Variants in ABCC2 observed in about 807,000 individuals in gnomAD.
ABCC2 encodes ATP binding cassette subfamily C member 2.
ABCC2 carries 157 observed loss-of-function variants against 173.4 expected under a neutral mutation model. The ratio of observed to expected loss-of-function variants is 0.91; its 90% CI spans 0.80 to 1.03. The LOEUF (loss-of-function observed/expected upper bound fraction) is 1.03. Ranked by LOEUF, ABCC2 falls within the 50% of genes least tolerant of loss-of-function variation. The pLI is 0.00. For missense variants in ABCC2, 1,822 were observed against 1,852.3 expected (o/e 0.98, Z 0.30); for synonymous variants, 657 against 693.5 (o/e 0.95, Z 0.83).
intron 25 of ABCC2, among the ~76,000 whole-genome samples, chr10:99,841,266 T>C (rs2038939460): frequency 6.6e-6 from 1 of 152,064 alleles, no homozygotes; most frequent in African/African-American, 2.4e-5. Context: ...AAAATGCAGA[T>C]TTTTGGCCAG....
chr10:99,792,559 T>G (rs1196460351), intron 3 of ABCC2, among the ~76,000 whole-genome samples, 200 bp downstream of exon 3: 1 of 152,228 alleles, frequency 6.6e-6, no homozygotes, highest in East Asian at 1.9e-4. Flanking sequence ...GTATAGAGGC[T>G]TCTTCCTAGG....
intron 1 of ABCC2, among the ~76,000 whole-genome samples, 153 bp from the exon 2 acceptor site, chr10:99,784,455 G>T (rs2037670676): frequency 6.6e-6 from 1 of 152,182 alleles, no homozygotes; most frequent in African/African-American, 2.4e-5. Flanking sequence ...GTATCCATGT[G>T]CACAAATAGG....
At chr10:99,792,126 T>A in intron 2 of ABCC2, 108 bp from the exon 3 acceptor site, 1 of 1,363,178 alleles carries the variant, frequency 7.3e-7, no homozygotes, top group Admixed American at 1.7e-5. Context: ...TATTGTGTTA[T>A]CTGAATCACT....
chr10:99,806,058 A>G (rs913905358), intron 11 of ABCC2, among the ~76,000 whole-genome samples: 2 of 124,530 alleles, frequency 1.6e-5, no homozygotes, highest in Non-Finnish European at 3.2e-5. Context: ...TTAATCTACT[A>G]CAGTCTCTCT....
At chr10:99,805,474 C>T in intron 11 of ABCC2, 27 bp downstream of exon 11, 2 of 1,609,866 alleles carry the variant, frequency 1.2e-6, no homozygotes, top group Non-Finnish European at 1.7e-6. Flanking sequence ...AGGTGGCTCT[C>T]TGTGGGTAAG....
chr10:99,827,434 C>T (rs1332671342), intron 19 of ABCC2, among the ~76,000 whole-genome samples: 1 of 152,200 alleles, frequency 6.6e-6, no homozygotes, highest in African/African-American at 2.4e-5. Context: ...TGTAAACTTT[C>T]CATTTCTTTC....
chr10:99,797,093 C>T lies in ABCC2; in HGVS notation c.633-4C>T. 1 of 1,613,808 alleles carries T rather than the reference C, an allele frequency of 6.2e-7. No individual in the cohort carries two copies. Among genetic ancestry groups the T allele is most frequent in the Non-Finnish European group, 8.5e-7 (1 of 1,179,822 alleles). ...TCTCAGCCTGTGGTTCGCTCTTGTT[C>T]CAGCATCATTCTGAAAGGCTACAAG... On this transcript the variant is annotated splice_region_variant and splice_polypyrimidine_tract_variant and intron_variant, in intron 6 of 31. Transcript: ENST00000647814.
chr10:99,789,668 C>T (rs536594323), intron 2 of ABCC2, among the ~76,000 whole-genome samples: 112 of 147,122 alleles, frequency 7.6e-4, no homozygotes, highest in Non-Finnish European at 1.4e-3. Context: ...TGAGATAGCA[C>T]CACTACACTC....
At chr10:99,841,609 G>A (rs1383470113) in intron 25 of ABCC2, among the ~76,000 whole-genome samples, 1 of 152,048 alleles carries the variant, frequency 6.6e-6, no homozygotes, top group East Asian at 1.9e-4. Context: ...TAGGCCCCCT[G>A]AAATCAGAAT....
chr10:99,816,157 AG>A (rs1453441818), intron 16 of ABCC2, among the ~76,000 whole-genome samples: 2 of 151,536 alleles, frequency 1.3e-5, no homozygotes, highest in Non-Finnish European at 2.9e-5. Context: ...TAGTAGAGAC[AG>A]GGTTTCACCA....
At chr10:99,829,587 A>G (rs2038704717) in intron 19 of ABCC2, among the ~76,000 whole-genome samples, 1 of 152,168 alleles carries the variant, frequency 6.6e-6, no homozygotes, top group Admixed American at 6.5e-5. Flanking sequence ...CTTTTAAGTG[A>G]TTTAAATTAA....
At chr10:99,799,403 G>A (rs1217658040) in intron 8 of ABCC2, 33 bp downstream of exon 8, 3 of 1,612,560 alleles carry the variant, frequency 1.9e-6, no homozygotes, top group Non-Finnish European at 2.5e-6. Flanking sequence ...GTCCTTTCAG[G>A]GCCTCCTCTG....
rs756590450 is a variant in ABCC2 at position 99,819,259 on chromosome 10, G to A, written c.2610G>A (p.Glu870=). The change falls in exon 19 of 32, where the codon GAG becomes GAA. Residue 870 remains glutamate, a synonymous_variant. Coordinates refer to ENST00000647814, the MANE Select transcript of ABCC2 (RefSeq NM_000392.5). ...TTCTAAGACATACAGGCCCTGAAGA[G>A]GAAGCCACAGGTATGTAAGAAGGAT... is the stretch of plus-strand genomic sequence containing the variant. ...KTFLRHTGPE[E]EATVHDGSEE... is the part of the protein sequence containing the mutation. The A allele has an allele frequency of 1.2e-6, 2 of 1,613,568 alleles. No homozygotes were observed. Among genetic ancestry groups the A allele is most frequent in the Admixed American group, 3.3e-5 (2 of 60,020 alleles).
At chr10:99,844,140 T>G (rs1354796671) in intron 27 of ABCC2, among the ~76,000 whole-genome samples, 182 bp from the exon 28 acceptor site, 2 of 152,214 alleles carry the variant, frequency 1.3e-5, no homozygotes, top group Non-Finnish European at 2.9e-5. Flanking sequence ...GTATTTTTCT[T>G]TAACTGAATA....
intron 19 of ABCC2, among the ~76,000 whole-genome samples, chr10:99,819,784 G>A (rs2133082867): frequency 6.6e-6 from 1 of 152,152 alleles, no homozygotes; most frequent in Admixed American, 6.5e-5. Flanking sequence ...AAAAAATTAT[G>A]GCAGTTGCGT....
Position 99,822,862 on chromosome 10 carries a change from T to C in ABCC2, c.2620+3593T>C, listed in dbSNP as rs1296961593. ...AATTATAAGGCATTCCTGTTGTATG[T>C]GAAATTTTCCACTGACTTAAGAATT... On this transcript the variant is annotated intron_variant, in intron 19 of 31. Transcript: ENST00000647814. 2.0e-5 allele frequency among the ~76,000 whole-genome samples: 3 copies of C among 152,186 alleles called. No individual in the cohort carries two copies. The South Asian group carries it at 6.2e-4, about 31-fold the overall frequency.
chr10:99,838,422 C>CG (rs2038866109), intron 25 of ABCC2, among the ~76,000 whole-genome samples: 2 of 121,054 alleles, frequency 1.7e-5, no homozygotes, highest in Admixed American at 7.5e-5. Context: ...GCTGGCCGGG[C>CG]GGGGGGCCGA....
At chr10:99,785,430 A>G (rs1474688720) in intron 2 of ABCC2, among the ~76,000 whole-genome samples, 1 of 152,162 alleles carries the variant, frequency 6.6e-6, no homozygotes, top group Admixed American at 6.5e-5. Context: ...GTGGGAACCC[A>G]AGACCCTCAT....
At chr10:99,829,919 C>A (rs1462018232) in intron 19 of ABCC2, among the ~76,000 whole-genome samples, 2 of 152,158 alleles carry the variant, frequency 1.3e-5, no homozygotes, top group African/African-American at 4.8e-5. Context: ...AGCCACCACG[C>A]CTGGCCAAGA....
Sources: allele counts gnomAD v4.1 joint callset (sites outside exome capture counted in the v4.1 genomes callset), GRCh38; gene constraint gnomAD v4.1.1; transcripts MANE v1.5; gene names NCBI Gene and HGNC (gene_info 2026-07-23, HGNC 2026-07-21).